DUSP22: variants seen among roughly 807,000 people sequenced by gnomAD.
DUSP22 encodes the protein dual specificity protein phosphatase 22.
DUSP22 carries 24 observed loss-of-function variants against 24.5 expected under a neutral mutation model. The ratio of observed to expected loss-of-function variants is 0.98; its 90% CI spans 0.71 to 1.38. The LOEUF (loss-of-function observed/expected upper bound fraction) is 1.38, where lower values mean the gene tolerates loss of function less well. DUSP22 is among the 40% of genes most tolerant of loss of function. The pLI, the probability that DUSP22 is intolerant of heterozygous loss-of-function variation, is 0.00. For missense variants in DUSP22, 330 were observed against 269.2 expected, an observed-to-expected ratio of 1.23 and a Z score of -1.58; for synonymous variants, 160 against 106.4, an observed-to-expected ratio of 1.50 and a Z score of -3.10.
intron 5 of DUSP22, among the ~76,000 whole-genome samples, chr6:346,514 T>C (rs1759884227): frequency 6.6e-6 from 1 of 152,298 alleles, no homozygotes; most frequent in Non-Finnish European, 1.5e-5. Flanking sequence ...TCTGAAGCGC[T>C]TGGCAGTGTG....
chr6:332,806 G>A (rs1403983695), intron 3 of DUSP22, among the ~76,000 whole-genome samples: 2 of 152,300 alleles, frequency 1.3e-5, no homozygotes, highest in Admixed American at 6.5e-5. Context: ...GATGGCACTA[G>A]AAGGGAAGGT....
At chr6:346,602 A>C (rs1407217904) in intron 5 of DUSP22, among the ~76,000 whole-genome samples, 1 of 152,308 alleles carries the variant, frequency 6.6e-6, no homozygotes. Flanking sequence ...TAACATGGCT[A>C]ATTTGTTCAG....
At chr6:301,159 G>A (rs552345379) in intron 1 of DUSP22, among the ~76,000 whole-genome samples, 3 of 152,416 alleles carry the variant, frequency 2.0e-5, no homozygotes, top group South Asian at 2.1e-4. Flanking sequence ...ACTCCCTGGG[G>A]CCAGGGTATC....
chr6:302,436 C>T (rs148497128), intron 1 of DUSP22, among the ~76,000 whole-genome samples: 43 of 152,414 alleles, frequency 2.8e-4, no homozygotes, highest in African/African-American at 4.3e-4. Context: ...GCAGGCTGAC[C>T]GTTCTGCTGT....
intron 1 of DUSP22, 147 bp from the exon 2 acceptor site, chr6:304,481 T>A: frequency 8.2e-7 from 1 of 1,225,412 alleles, no homozygotes; most frequent in Non-Finnish European, 1.2e-6. Context: ...CTGGGGATGT[T>A]GGGTCACCCG....
chr6:324,655 AC>A (rs1455354333), intron 3 of DUSP22, among the ~76,000 whole-genome samples: 13 of 152,418 alleles, frequency 8.5e-5, no homozygotes, highest in African/African-American at 3.1e-4. Flanking sequence ...GGAGGGCAGC[AC>A]CCTGCTCTGG....
intron 2 of DUSP22, among the ~76,000 whole-genome samples, chr6:306,140 T>C (rs1757805712): frequency 6.6e-6 from 1 of 152,310 alleles, no homozygotes; most frequent in African/African-American, 2.4e-5. Flanking sequence ...CCAGGATACA[T>C]TAATGTAGCA....
At chr6:339,607 G>C (rs542732377) in intron 4 of DUSP22, among the ~76,000 whole-genome samples, 10 of 152,272 alleles carry the variant, frequency 6.6e-5, no homozygotes, top group Admixed American at 6.5e-4. Flanking sequence ...CTATGGAGTC[G>C]GTATACATCA....
In DUSP22 at chr6:350,400, A is replaced by G; in HGVS notation, c.*1449A>G. ...AAGCATGCAGAGTCACTCGAATGAA[A>G]AAACATACTCGACCTCTCCCTAAAA... On this transcript the variant is annotated 3_prime_UTR_variant, in exon 7 of 7. Coordinates refer to ENST00000419235, the MANE Select transcript of DUSP22 (RefSeq NM_001286555.3). The G allele has an allele frequency of 9.1e-7, 1 of 1,096,896 alleles. No homozygotes were observed. Among genetic ancestry groups the G allele is most frequent in the Non-Finnish European group, 1.1e-6 (1 of 898,008 alleles). The allele number at this position is 1,096,896 out of a possible 1,614,324, so 67.9% of individuals were successfully genotyped here.
intron 3 of DUSP22, among the ~76,000 whole-genome samples, chr6:332,644 CTT>C (rs3053546): frequency 1.4e-5 from 2 of 148,126 alleles, no homozygotes; most frequent in Admixed American, 6.7e-5. Flanking sequence ...TCCTGTCCTT[CTT>C]TTTTTTTTTT....
intron 3 of DUSP22, among the ~76,000 whole-genome samples, chr6:330,170 A>C (rs1287699255): frequency 1.3e-5 from 2 of 152,306 alleles, no homozygotes. Context: ...GCTGCCGCAC[A>C]GGCTGAGATG....
At chr6:311,459 T>C (rs926900247) in intron 2 of DUSP22, among the ~76,000 whole-genome samples, 1 of 152,304 alleles carries the variant, frequency 6.6e-6, no homozygotes, top group Non-Finnish European at 1.5e-5. Context: ...GGCGGGCGGC[T>C]CACGAGGTCA....
At chr6:296,528 A>G (rs1414018790) in intron 1 of DUSP22, among the ~76,000 whole-genome samples, 1 of 152,302 alleles carries the variant, frequency 6.6e-6, no homozygotes, top group African/African-American at 2.4e-5. Context: ...AGGGTGTTGC[A>G]TGCAAATGTC....
intron 1 of DUSP22, among the ~76,000 whole-genome samples, chr6:302,985 G>A (rs1310543534): frequency 3.9e-5 from 6 of 152,302 alleles, no homozygotes; most frequent in East Asian, 1.9e-4. Context: ...CACTGGACTC[G>A]GTCGGGCAAG....
intron 1 of DUSP22, among the ~76,000 whole-genome samples, chr6:302,773 C>A (rs1757643152): frequency 6.6e-6 from 1 of 152,300 alleles, no homozygotes; most frequent in African/African-American, 2.4e-5. Context: ...CTTGGTTAAG[C>A]CAGCAAGGAA....
chr6:332,644 CTTTT>C (rs3053546), intron 3 of DUSP22, among the ~76,000 whole-genome samples: 18 of 148,066 alleles, frequency 1.2e-4, no homozygotes, highest in African/African-American at 4.2e-4. Flanking sequence ...TCCTGTCCTT[CTTTT>C]TTTTTTTTTT....
chr6:313,349 G>C (rs1392170899), intron 3 of DUSP22, among the ~76,000 whole-genome samples: 1 of 152,292 alleles, frequency 6.6e-6, no homozygotes, highest in African/African-American at 2.4e-5. Flanking sequence ...TGTAACTTCT[G>C]TGTAGATAGG....
chr6:302,466 TGCTCTTGGGCTGCAGG>T (rs1757628502), intron 1 of DUSP22, among the ~76,000 whole-genome samples: 2 of 152,310 alleles, frequency 1.3e-5, no homozygotes, highest in South Asian at 2.1e-4. Flanking sequence ...GTCTGCCCAC[TGCTCTTGGGCTGCAGG>T]TCCTGAGTGT....
chr6:332,412 T>G (rs559952019), intron 3 of DUSP22, among the ~76,000 whole-genome samples: 5 of 152,298 alleles, frequency 3.3e-5, no homozygotes, highest in East Asian at 1.9e-4. Context: ...GATGGAGAGA[T>G]AGCCTTTGCC....
Sources: gnomAD v4.1 joint callset for allele counts (sites outside exome capture counted in the v4.1 genomes callset) on GRCh38, gnomAD v4.1.1 for gene constraint, MANE v1.5 for transcripts, NCBI Gene and HGNC (gene_info 2026-07-23, HGNC 2026-07-21) for gene names.